The following DOCK3 variants were observed in gnomAD, a reference collection of about 807,000 sequenced individuals.
The protein encoded by DOCK3 is dedicator of cytokinesis 3.
DOCK3 carries 60 observed loss-of-function variants against 265.6 expected under a neutral mutation model. That is an observed-to-expected ratio of 0.23 (90% CI 0.18 to 0.28). The LOEUF (loss-of-function observed/expected upper bound fraction) is 0.28. DOCK3 is among the 10% of genes least tolerant of loss of function. DOCK3 has a pLI of 1.00. For synonymous variants in DOCK3, 881 were observed against 938.0 expected, an observed-to-expected ratio of 0.94 and a Z score of 1.11; for missense variants, 1,981 against 2,594.3, an observed-to-expected ratio of 0.76 and a Z score of 5.14.
At chr3:51,233,316 T>TTCTATCTA (rs71084135) in intron 19 of DOCK3, among the ~76,000 whole-genome samples, 69 of 70,462 alleles carry the variant, frequency 9.8e-4, no homozygotes, top group South Asian at 5.7e-3. Flanking sequence ...TATTCTTTCT[T>TTCTATCTA]TCTATCTATC....
chr3:50,741,477 A>C (rs1395966615), intron 1 of DOCK3, among the ~76,000 whole-genome samples: 1 of 130,130 alleles, frequency 7.7e-6, no homozygotes, highest in Non-Finnish European at 1.5e-5. Context: ...CCCTGTGTCC[A>C]TGTGTTCTCA....
intron 1 of DOCK3, among the ~76,000 whole-genome samples, chr3:50,755,153 A>C (rs1157404066): frequency 6.6e-6 from 1 of 152,230 alleles, no homozygotes; most frequent in East Asian, 1.9e-4. Flanking sequence ...TACTTGAGCA[A>C]GTCATTATAT....
chr3:51,256,776 G>A (rs1276905161), intron 22 of DOCK3, among the ~76,000 whole-genome samples: 1 of 151,694 alleles, frequency 6.6e-6, no homozygotes, highest in African/African-American at 2.4e-5. Context: ...TGTGTTTTTA[G>A]TAGAGACGGG....
chr3:50,846,214 A>G (rs1239978905), intron 3 of DOCK3, among the ~76,000 whole-genome samples: 1 of 152,240 alleles, frequency 6.6e-6, no homozygotes, highest in Non-Finnish European at 1.5e-5. Context: ...CAAGGAGAAC[A>G]TTTTTTAAAA....
intron 5 of DOCK3, among the ~76,000 whole-genome samples, chr3:50,992,503 G>T (rs1031058103): frequency 3.3e-5 from 5 of 152,140 alleles, no homozygotes; most frequent in Non-Finnish European, 5.9e-5. Flanking sequence ...CACCATGTTG[G>T]CTAGGCTGGT....
Position 50,971,038 on chromosome 3 carries a change from C to T in DOCK3, c.315+36961C>T. ...GAGATAGGGGACTCACTATGTTTCC[C>T]ATGCTGGTCTTGAACTCCTGGCCTC... On this transcript the variant is annotated intron_variant, in intron 5 of 52. Transcript: ENST00000266037. Among the ~76,000 whole-genome samples, 2 of 128,046 alleles carry T rather than the reference C, an allele frequency of 1.6e-5. 1 individual carries two copies. Among genetic ancestry groups the T allele is most frequent in the Non-Finnish European group, 3.3e-5 (2 of 61,128 alleles). The allele number at this position is 128,046 out of a possible 152,430, so 84.0% of individuals were successfully genotyped here. A position where few individuals can be genotyped will look rare whatever the true frequency, so the allele number is the denominator to read the frequency against.
chr3:51,051,676 G>T (rs952570956), intron 5 of DOCK3, among the ~76,000 whole-genome samples: 1 of 152,124 alleles, frequency 6.6e-6, no homozygotes, highest in Non-Finnish European at 1.5e-5. Flanking sequence ...GGCCATTCTT[G>T]TGTTGCTGTA....
chr3:51,296,060 T>C (rs2082062526), intron 27 of DOCK3, among the ~76,000 whole-genome samples: 1 of 152,194 alleles, frequency 6.6e-6, no homozygotes, highest in Non-Finnish European at 1.5e-5. Context: ...TCAAGCTAAC[T>C]TGATTTTATA....
chr3:51,203,251 T>C (rs1274843398), intron 12 of DOCK3, among the ~76,000 whole-genome samples: 2 of 152,148 alleles, frequency 1.3e-5, no homozygotes, highest in Non-Finnish European at 2.9e-5. Context: ...GATGACATGA[T>C]TGTATATCTA....
At chr3:51,021,661 C>CTTTTTTTTTTTTTTTTTT (rs61097732) in intron 5 of DOCK3, among the ~76,000 whole-genome samples, 1 of 142,818 alleles carries the variant, frequency 7.0e-6, no homozygotes, top group Non-Finnish European at 1.5e-5. Context: ...GGAGAACTTC[C>CTTTTTTTTTTTTTTTTTT]TTTTTTTTTT....
intron 3 of DOCK3, among the ~76,000 whole-genome samples, chr3:50,886,856 T>G (rs1374158481): frequency 6.6e-6 from 1 of 152,074 alleles, no homozygotes; most frequent in African/African-American, 2.4e-5. Context: ...TGGGATACAT[T>G]AAAAGCAATG....
At chr3:50,938,040 TATATA>T (rs2051490028) in intron 5 of DOCK3, among the ~76,000 whole-genome samples, 1 of 152,000 alleles carries the variant, frequency 6.6e-6, no homozygotes, top group African/African-American at 2.4e-5. Context: ...GATAGAAAAA[TATATA>T]CTATGCAAAC....
chr3:51,061,839 C>T (rs1354600784), intron 5 of DOCK3, among the ~76,000 whole-genome samples: 1 of 152,184 alleles, frequency 6.6e-6, no homozygotes, highest in Non-Finnish European at 1.5e-5. Context: ...TTCTCACTTT[C>T]CTAACCTCTG....
intron 9 of DOCK3, among the ~76,000 whole-genome samples, chr3:51,092,042 C>T (rs947666417): frequency 4.6e-5 from 7 of 152,218 alleles, no homozygotes; most frequent in Non-Finnish European, 8.8e-5. Context: ...GTGCCTAACA[C>T]ATCAGAGACC....
chr3:51,165,048 C>T (rs61591298), intron 12 of DOCK3, among the ~76,000 whole-genome samples: 53 of 148,216 alleles, frequency 3.6e-4, no homozygotes, highest in African/African-American at 1.2e-3. Flanking sequence ...AAGCCATTCT[C>T]CTCTCTCAGC....
At chr3:51,254,648 T>C (rs1216835995) in intron 22 of DOCK3, among the ~76,000 whole-genome samples, 2 of 152,238 alleles carry the variant, frequency 1.3e-5, no homozygotes, top group African/African-American at 4.8e-5. Context: ...TTTTGATCTT[T>C]GTTGGTTTAA....
rs1315079010 is a variant in DOCK3 at position 50,823,171 on chromosome 3, T to TA, written c.122-18504_122-18503insA. Among the ~76,000 whole-genome samples the TA allele has an allele frequency of 1.3e-3, 194 of 148,552 alleles. 1 individual carries two copies. Among genetic ancestry groups the TA allele is most frequent in the South Asian group, 2.9e-3 (14 of 4,758 alleles). On this transcript the variant is annotated intron_variant, in intron 2 of 52. Transcript: ENST00000266037. Reference sequence around the variant, plus strand: ...TATTTTATTTATTTATTTATTTATTTTTTTTTATTGATCATTCTTGGGTGT... The same window carrying TA: ...TATTTTATTTATTTATTTATTTATTTATTTTTTATTGATCATTCTTGGGTGT...
chr3:50,747,926 TGTG>T (rs746484753), intron 1 of DOCK3, among the ~76,000 whole-genome samples: 4 of 152,036 alleles, frequency 2.6e-5, no homozygotes, highest in Admixed American at 1.3e-4. Context: ...ATTATAGAAA[TGTG>T]GTTGTTTTTT....
At chr3:51,140,307 G>A (rs955345600) in intron 9 of DOCK3, among the ~76,000 whole-genome samples, 3 of 152,142 alleles carry the variant, frequency 2.0e-5, no homozygotes, top group African/African-American at 7.2e-5. Context: ...TTCAGTCTCT[G>A]TAGATTTGCC....
Sources: allele counts gnomAD v4.1 joint callset (sites outside exome capture counted in the v4.1 genomes callset), GRCh38; gene constraint gnomAD v4.1.1; transcripts MANE v1.5; gene names NCBI Gene and HGNC (gene_info 2026-07-23, HGNC 2026-07-21).